Variants in FUT8 observed in about 807,000 individuals in gnomAD.
The protein encoded by FUT8 is alpha-(1,6)-fucosyltransferase.
FUT8 carries 29 observed loss-of-function variants against 71.3 expected under a neutral mutation model. The ratio of observed to expected loss-of-function variants is 0.41; its 90% CI spans 0.30 to 0.55. The LOEUF (loss-of-function observed/expected upper bound fraction) is 0.55. Ranked by LOEUF, FUT8 falls within the 20% of genes least tolerant of loss-of-function variation. FUT8 has a pLI of 0.34. For synonymous variants in FUT8, 254 were observed against 239.3 expected (o/e 1.06, Z -0.57); for missense variants, 544 against 702.1 (o/e 0.77, Z 2.55).
At chr14:65,411,922 G>A (rs996716186), upstream of FUT8, 3 of 411,768 alleles carry the variant, frequency 7.3e-6, no homozygotes, top group African/African-American at 4.1e-5. Context: ...TGGCGGTCTG[G>A]GCTGCTCTGG....
At chr14:65,742,057 T>C in intron 10 of FUT8, 36 bp from the exon 11 acceptor site, 1 of 1,566,768 alleles carries the variant, frequency 6.4e-7, no homozygotes, top group Non-Finnish European at 8.7e-7. Context: ...GGAGAGTGTT[T>C]ATATACTAAC....
intron 2 of FUT8, among the ~76,000 whole-genome samples, chr14:65,459,734 AG>A (rs918394762): frequency 1.1e-4 from 16 of 152,326 alleles, no homozygotes; most frequent in South Asian, 4.1e-4. Context: ...CATTAAAGTC[AG>A]GTATAATTGG....
chr14:65,588,355 A>G (rs1312112700), intron 3 of FUT8, among the ~76,000 whole-genome samples: 1 of 152,134 alleles, frequency 6.6e-6, no homozygotes, highest in East Asian at 1.9e-4. Context: ...CACTATGGCT[A>G]TCCTTTTAAA....
At chr14:65,740,492 G>C (rs536137454) in intron 10 of FUT8, among the ~76,000 whole-genome samples, 1 of 151,770 alleles carries the variant, frequency 6.6e-6, no homozygotes, top group Non-Finnish European at 1.5e-5. Flanking sequence ...GTCTGTTTTC[G>C]CATTGCTAAA....
intron 7 of FUT8, among the ~76,000 whole-genome samples, chr14:65,675,191 A>G (rs1000038132): frequency 9.9e-5 from 15 of 151,838 alleles, no homozygotes; most frequent in African/African-American, 3.6e-4. Context: ...GGAATAGGGA[A>G]CTGAAGCTTT....
chr14:65,502,797 A>C (rs1046448031), intron 2 of FUT8, among the ~76,000 whole-genome samples: 1 of 152,114 alleles, frequency 6.6e-6, no homozygotes, highest in Non-Finnish European at 1.5e-5. Flanking sequence ...CCTCCTGCAG[A>C]GCTTCTTCAA....
At position 65,643,680 on chromosome 14, in the gene FUT8, A is replaced by ACACACACACACG. The variant is rs1890969657; in HGVS notation, c.597+14085_597+14086insGCACACACACAC. 7.1e-6 allele frequency among the ~76,000 whole-genome samples: 1 copy of ACACACACACACG among 140,300 alleles called. No individual in the cohort carries two copies. Among genetic ancestry groups the ACACACACACACG allele is most frequent in the East Asian group, 2.0e-4 (1 of 5,066 alleles). The allele number at this position is 140,300 out of a possible 152,430, so 92.0% of individuals were successfully genotyped here. A position where few individuals can be genotyped will look rare whatever the true frequency, so the allele number is the denominator to read the frequency against. ...AAAAAAAAAATACACACACACACAC[A>ACACACACACACG]CACACACACACACACACACACACAC... On this transcript the variant is annotated intron_variant, in intron 6 of 10. Transcript: ENST00000673929. The surrounding 1 kb of genome is among the most constrained non-coding windows in gnomAD (Gnocchi z 4.5).
intron 6 of FUT8, among the ~76,000 whole-genome samples, chr14:65,632,054 T>C (rs1029020961): frequency 2.6e-5 from 4 of 152,230 alleles, no homozygotes; most frequent in Non-Finnish European, 4.4e-5. Flanking sequence ...GGCCAAATAG[T>C]ATTCCACTCT....
intron 7 of FUT8, among the ~76,000 whole-genome samples, chr14:65,716,540 G>A (rs1318283419): frequency 2.6e-5 from 4 of 151,818 alleles, no homozygotes; most frequent in African/African-American, 4.8e-5. Flanking sequence ...GAGAGCACAC[G>A]GTTGGGGGTA....
intron 3 of FUT8, among the ~76,000 whole-genome samples, chr14:65,582,204 G>A (rs1197088661): frequency 6.6e-6 from 1 of 151,744 alleles, no homozygotes; most frequent in Non-Finnish European, 1.5e-5. Flanking sequence ...ATCCAGTTAT[G>A]GTTGTATATC....
At chr14:65,650,720 A>C (rs61336662) in intron 6 of FUT8, among the ~76,000 whole-genome samples, 22 of 131,198 alleles carry the variant, frequency 1.7e-4, no homozygotes, top group South Asian at 5.5e-4. Flanking sequence ...AAAAAAAAAA[A>C]AAAAAAAAAC....
intron 7 of FUT8, among the ~76,000 whole-genome samples, chr14:65,674,685 C>CT (rs1285368973): frequency 6.6e-6 from 1 of 152,182 alleles, no homozygotes; most frequent in African/African-American, 2.4e-5. Flanking sequence ...TACCTGAAGC[C>CT]TTCAGCAGTT....
intron 1 of FUT8, among the ~76,000 whole-genome samples, chr14:65,454,911 G>A (rs1413288915): frequency 6.6e-6 from 1 of 152,150 alleles, no homozygotes; most frequent in Admixed American, 6.5e-5. Flanking sequence ...AAGGGCCCCT[G>A]ATCAAAAGAC....
At chr14:65,647,385 G>A (rs931114813) in intron 6 of FUT8, among the ~76,000 whole-genome samples, 9 of 152,176 alleles carry the variant, frequency 5.9e-5, no homozygotes, top group Admixed American at 1.3e-4. Context: ...TGCAGGTGTT[G>A]TAATGTTCAA....
At chr14:65,701,608 T>C (rs184011738) in intron 7 of FUT8, among the ~76,000 whole-genome samples, 182 of 152,364 alleles carry the variant, frequency 1.2e-3, no homozygotes, top group African/African-American at 3.8e-3. Context: ...AAATTTGAGA[T>C]AAGCTGTCTT....
At chr14:65,474,587 C>T (rs1255702713) in intron 2 of FUT8, among the ~76,000 whole-genome samples, 1 of 151,510 alleles carries the variant, frequency 6.6e-6, no homozygotes, top group Non-Finnish European at 1.5e-5. Context: ...AACTCTGTCT[C>T]AAAAATAAAT....
chr14:65,389,373 A>T, the FUT8 span, among the ~76,000 whole-genome samples: 1 of 138,170 alleles, frequency 7.2e-6, no homozygotes, highest in African/African-American at 2.6e-5. Flanking sequence ...CCACACCCTG[A>T]TATTTTTTTT....
At chr14:65,647,879 TAA>T (rs546087805) in intron 6 of FUT8, among the ~76,000 whole-genome samples, 5 of 144,172 alleles carry the variant, frequency 3.5e-5, no homozygotes, top group Non-Finnish European at 3.1e-5. Context: ...CATTAAAGGT[TAA>T]AAAAAAAAAA....
intron 6 of FUT8, among the ~76,000 whole-genome samples, chr14:65,637,435 G>T (rs1890616902): frequency 6.6e-6 from 1 of 152,128 alleles, no homozygotes; most frequent in Non-Finnish European, 1.5e-5. Flanking sequence ...AATAGCCTCT[G>T]CAGAAGGATA....
Sources: gnomAD v4.1 joint callset for allele counts (sites outside exome capture counted in the v4.1 genomes callset) on GRCh38, gnomAD v4.1.1 for gene constraint, Gnocchi (gnomAD v3.1) non-coding constraint, MANE v1.5 for transcripts, NCBI Gene and HGNC (gene_info 2026-07-23, HGNC 2026-07-21) for gene names.